Variants in EYA1 observed in about 807,000 individuals in gnomAD.
EYA1 encodes the protein protein phosphatase EYA1.
A neutral mutation model predicts 82.0 loss-of-function variants in EYA1; 16 were observed. The observed-to-expected ratio is 0.20, with a 90% CI of 0.13 to 0.30. The LOEUF (loss-of-function observed/expected upper bound fraction) is 0.30, where lower values mean the gene tolerates loss of function less well. EYA1 is among the 10% of genes least tolerant of loss of function. The probability of loss-of-function intolerance (pLI) is 1.00; values close to 1 mark genes in which losing one functional copy is unlikely to be tolerated. For missense variants in EYA1, 633 were observed against 730.7 expected (o/e 0.87, Z 1.54); for synonymous variants, 261 against 264.4 (o/e 0.99, Z 0.12).
At chr8:71,347,095 T>C (rs1057404386) in intron 3 of EYA1, among the ~76,000 whole-genome samples, 3 of 152,194 alleles carry the variant, frequency 2.0e-5, no homozygotes, top group Non-Finnish European at 4.4e-5. Flanking sequence ...AAACACTTCT[T>C]AGGGAAGATA....
chr8:71,442,130 T>C (rs901178248), intron 2 of EYA1, among the ~76,000 whole-genome samples: 3 of 152,322 alleles, frequency 2.0e-5, no homozygotes, highest in Admixed American at 1.3e-4. Context: ...ATATCCCACT[T>C]ATAAGTTGTG....
At chr8:71,343,552 C>T (rs1210759049) in intron 3 of EYA1, among the ~76,000 whole-genome samples, 2 of 152,144 alleles carry the variant, frequency 1.3e-5, no homozygotes, top group African/African-American at 4.8e-5. Flanking sequence ...GCTCCATGGC[C>T]TCCCCATGTG....
At chr8:71,333,222 C>T (rs763454924) in intron 4 of EYA1, among the ~76,000 whole-genome samples, 3 of 152,132 alleles carry the variant, frequency 2.0e-5, no homozygotes, top group African/African-American at 4.8e-5. Flanking sequence ...TAATTTTTAT[C>T]ACTTTCACCT....
chr8:71,321,616 C>A (rs1822556070), intron 6 of EYA1, 118 bp downstream of exon 6: 3 of 1,272,428 alleles, frequency 2.4e-6, no homozygotes, highest in Admixed American at 4.9e-5. Context: ...AATTTAGACA[C>A]AGAAGGTGAC....
intron 1 of EYA1, among the ~76,000 whole-genome samples, chr8:71,358,781 A>T (rs1827128033): frequency 6.6e-6 from 1 of 152,176 alleles, no homozygotes. Flanking sequence ...GTTTGATAAT[A>T]TCTCTGGAAG....
intron 2 of EYA1, among the ~76,000 whole-genome samples, chr8:71,517,279 A>T (rs1198443875): frequency 2.0e-5 from 3 of 152,032 alleles, no homozygotes; most frequent in Admixed American, 6.6e-5. Context: ...TTGCTCCAAA[A>T]GCGCTCAGAT....
At chr8:71,307,671 T>C (rs896580954) in intron 7 of EYA1, among the ~76,000 whole-genome samples, 8 of 152,216 alleles carry the variant, frequency 5.3e-5, no homozygotes, top group African/African-American at 1.2e-4. Context: ...GTTGATTAAG[T>C]ATCCATGGAT....
chr8:71,312,152 T>C lies in EYA1; in HGVS notation c.556+5400A>G, dbSNP rs139711471. On this transcript the variant is annotated intron_variant, in intron 7 of 17. Coordinates refer to ENST00000340726, the MANE Select transcript of EYA1 (RefSeq NM_000503.6). ...GAAGTTTTTTTTAGAGCTTCATGAA[T>C]TGGTGTTTGACTAGTTATATAACTA... is the stretch of plus-strand genomic sequence containing the variant. Among the ~76,000 whole-genome samples, 39 of 152,312 alleles carry C rather than the reference T, an allele frequency of 2.6e-4. 2 individuals carry two copies. In the East Asian group the frequency reaches 6.7e-3, roughly 26 times the overall value.
chr8:71,479,946 T>C (rs1809999740), intron 2 of EYA1, among the ~76,000 whole-genome samples: 1 of 152,192 alleles, frequency 6.6e-6, no homozygotes, highest in African/African-American at 2.4e-5. Flanking sequence ...TTGGAAACAA[T>C]GAGCTGGAAG....
intron 2 of EYA1, among the ~76,000 whole-genome samples, chr8:71,475,457 A>G (rs965769833): frequency 6.6e-6 from 1 of 152,212 alleles, no homozygotes; most frequent in African/African-American, 2.4e-5. Context: ...GTTTGGTCTC[A>G]AATTTTAACT....
At chr8:71,531,923 C>A (rs1296573966) in intron 2 of EYA1, among the ~76,000 whole-genome samples, 2 of 152,286 alleles carry the variant, frequency 1.3e-5, no homozygotes, top group African/African-American at 4.8e-5. Flanking sequence ...ATAAGCAGAA[C>A]CTTCCAGAAT....
intron 9 of EYA1, among the ~76,000 whole-genome samples, chr8:71,293,198 A>G (rs1427819111): frequency 1.3e-5 from 2 of 152,152 alleles, no homozygotes; most frequent in African/African-American, 2.4e-5. Flanking sequence ...GATGAAATGG[A>G]CCAATTCCTT....
chr8:71,488,484 G>A (rs1047800407), intron 2 of EYA1, among the ~76,000 whole-genome samples: 1 of 152,146 alleles, frequency 6.6e-6, no homozygotes, highest in Non-Finnish European at 1.5e-5. Flanking sequence ...TGAAAGAAAA[G>A]TGATACTGTA....
intron 2 of EYA1, among the ~76,000 whole-genome samples, chr8:71,465,308 C>T (rs942323802): frequency 6.6e-6 from 1 of 152,092 alleles, no homozygotes; most frequent in Non-Finnish European, 1.5e-5. Flanking sequence ...TAACTGGCCA[C>T]GCCATCAAAG....
intron 2 of EYA1, among the ~76,000 whole-genome samples, chr8:71,470,287 C>T (rs939514922): frequency 2.0e-5 from 3 of 152,018 alleles, no homozygotes; most frequent in Admixed American, 1.3e-4. Flanking sequence ...TCTACTCTGG[C>T]TTTTACTTTA....
At chr8:71,227,840 T>C (rs1161095954) in intron 12 of EYA1, among the ~76,000 whole-genome samples, 1 of 152,192 alleles carries the variant, frequency 6.6e-6, no homozygotes, top group Non-Finnish European at 1.5e-5. Flanking sequence ...TTAAATGTCT[T>C]TTTCTTTTGC....
chr8:71,310,812 T>A (rs1056344507), intron 7 of EYA1, among the ~76,000 whole-genome samples: 1 of 151,876 alleles, frequency 6.6e-6, no homozygotes, highest in African/African-American at 2.4e-5. Context: ...TAACATTCAT[T>A]GTGACATAGA....
At chr8:71,207,160 G>A (rs954110362) in intron 17 of EYA1, among the ~76,000 whole-genome samples, 2 of 152,178 alleles carry the variant, frequency 1.3e-5, no homozygotes, top group African/African-American at 2.4e-5. Context: ...ATGAGATGTT[G>A]TTGAACTGTA....
intron 2 of EYA1, among the ~76,000 whole-genome samples, chr8:71,521,872 A>G (rs765002409): frequency 2.0e-4 from 30 of 152,146 alleles, no homozygotes; most frequent in Non-Finnish European, 3.4e-4. Flanking sequence ...TTAACTATCA[A>G]TCTGAGCTTC....
Sources: gnomAD v4.1 joint callset for allele counts (sites outside exome capture counted in the v4.1 genomes callset) on GRCh38, gnomAD v4.1.1 for gene constraint, MANE v1.5 for transcripts, NCBI Gene and HGNC (gene_info 2026-07-23, HGNC 2026-07-21) for gene names.